Variants in GPR26 observed in about 807,000 individuals in gnomAD.
GPR26 encodes G protein-coupled receptor 26.
In GPR26, 15 loss-of-function variants were observed where a neutral mutation model predicts 23.1. The observed-to-expected ratio is 0.65, with a 90% CI of 0.43 to 1.00. The LOEUF is 1.00. Among genes scored for constraint, GPR26 ranks in the 50% least tolerant of loss-of-function variants. The pLI is 0.00. For synonymous variants in GPR26, 228 were observed against 222.1 expected (o/e 1.03, Z -0.24); for missense variants, 359 against 470.5 (o/e 0.76, Z 2.19).
chr10:123,670,784 G>A (rs1362319840), intron 1 of GPR26, among the ~76,000 whole-genome samples: 1 of 152,220 alleles, frequency 6.6e-6, no homozygotes, highest in Non-Finnish European at 1.5e-5. Flanking sequence ...CAGGAGGGTG[G>A]GACCAGGGGA....
intron 1 of GPR26, among the ~76,000 whole-genome samples, chr10:123,670,539 C>T (rs766796295): frequency 1.8e-4 from 27 of 152,268 alleles, no homozygotes; most frequent in Admixed American, 2.6e-4. Context: ...TTATAATGAC[C>T]GGCAAGGCTG....
In GPR26 at chr10:123,697,182, T is replaced by C. The variant is rs868046638; in HGVS notation, c.*9022T>C. ...AGAAGCCCTCCCAATACGGCAATAT[T>C]ACCTTCTGTGTAATCCACTTGCCAA... is the stretch of plus-strand genomic sequence containing the variant. On this transcript the variant is annotated 3_prime_UTR_variant, in exon 3 of 3. Coordinates refer to ENST00000284674, the MANE Select transcript of GPR26 (RefSeq NM_153442.4). 3.9e-5 allele frequency among the ~76,000 whole-genome samples: 6 copies of C among 152,304 alleles called. No individual in the cohort carries two copies. Among genetic ancestry groups the C allele is most frequent in the Middle Eastern group, 3.4e-3 (1 of 294 alleles).
chr10:123,669,279 C>T (rs896139665), intron 1 of GPR26, among the ~76,000 whole-genome samples: 3 of 152,240 alleles, frequency 2.0e-5, no homozygotes, highest in African/African-American at 7.2e-5. Context: ...ACAAACTTGT[C>T]CTTCTCTGAG....
intron 2 of GPR26, among the ~76,000 whole-genome samples, chr10:123,676,660 C>T (rs1481653500): frequency 2.0e-5 from 3 of 152,230 alleles, no homozygotes; most frequent in African/African-American, 7.2e-5. Flanking sequence ...TTCCACAAGA[C>T]ACAAAGCCCA....
intron 2 of GPR26, among the ~76,000 whole-genome samples, chr10:123,680,992 A>G (rs1296769081): frequency 1.3e-5 from 2 of 152,102 alleles, no homozygotes; most frequent in East Asian, 1.9e-4. Flanking sequence ...GGTGCGCACC[A>G]TCAGGCTGGG....
chr10:123,673,119 A>T (rs1845268700), intron 1 of GPR26, among the ~76,000 whole-genome samples: 1 of 152,198 alleles, frequency 6.6e-6, no homozygotes, highest in Non-Finnish European at 1.5e-5. Context: ...TTCAGCCAGG[A>T]CGAAATCTGT....
Position 123,689,800 on chromosome 10 carries a change from T to A in GPR26, c.*1640T>A, listed in dbSNP as rs1845471999. 1 of 152,204 alleles carries A rather than the reference T, an allele frequency of 6.6e-6. No homozygotes were observed. Among genetic ancestry groups the A allele is most frequent in the African/African-American group, 2.4e-5 (1 of 41,448 alleles). 9.4% of individuals were successfully genotyped at this position (152,204 alleles called of 1,614,324 possible). A position where few individuals can be genotyped will look rare whatever the true frequency, so the allele number is the denominator to read the frequency against. ...TTAGAAAACAATTCACCTGGCTTAG[T>A]CTTGTCTAGTTTCAAAGTTACCATG... On this transcript the variant is annotated 3_prime_UTR_variant, in exon 3 of 3. Coordinates refer to ENST00000284674, the MANE Select transcript of GPR26 (RefSeq NM_153442.4).
At position 123,688,016 on chromosome 10, in the gene GPR26, C is replaced by T; in HGVS notation, c.870C>T (p.Asp290=). 5 of 1,614,034 alleles carry T rather than the reference C, an allele frequency of 3.1e-6. No individual in the cohort carries two copies. The highest frequency in any genetic ancestry group is 4.2e-6 in the Non-Finnish European group (5 of 1,179,928). ...TGGCGTACAGCAAGGCCGCATCCGA[C>T]CCCTTTGTGTACTCCTTACTGCGAC... is the stretch of plus-strand genomic sequence containing the variant. ...KCLAYSKAAS[D]PFVYSLLRHQ... is the part of the protein sequence containing the mutation. The change falls in exon 3 of 3, where the codon GAC becomes GAT. Residue 290 remains aspartate (D), a synonymous_variant. Coordinates refer to ENST00000284674, the MANE Select transcript of GPR26 (RefSeq NM_153442.4).
Position 123,674,917 on chromosome 10 carries a change from C to T in GPR26, c.768C>T (p.Pro256=). 1 of 1,608,078 alleles carries T rather than the reference C, an allele frequency of 6.2e-7. No homozygotes were observed. Among genetic ancestry groups the T allele is most frequent in the Non-Finnish European group, 8.5e-7 (1 of 1,175,266 alleles). The part of the protein sequence containing the change: ...FIGTFLVCFA[P]YVITRLVELF... ...GGACCTTCCTTGTGTGCTTCGCGCC[C>T]TATGTGATCACCAGGTGAGCCTGAT... Residue 256 remains proline (P), a synonymous_variant, in exon 2 of 3, where the codon CCC becomes CCT. Coordinates refer to ENST00000284674, the MANE Select transcript of GPR26 (RefSeq NM_153442.4). This position sits in a 1 kb window ranked among gnomAD's most constrained non-coding sequence, Gnocchi z 4.1.
chr10:123,681,787 T>C (rs1284823006), intron 2 of GPR26, among the ~76,000 whole-genome samples: 1 of 152,234 alleles, frequency 6.6e-6, no homozygotes, highest in African/African-American at 2.4e-5. Flanking sequence ...GTTCTCAAGC[T>C]TTCTATTGGA....
At position 123,666,704 on chromosome 10, in the gene GPR26, G is replaced by A. The variant is rs779341071; in HGVS notation, c.297G>A (p.Ala99=). Residue 99 remains alanine, a synonymous_variant, in exon 1 of 3, where the codon GCG becomes GCA. Transcript: ENST00000284674. ...CCAACTCCATGCTCAGCATGGCCGCGCTCAGCATCGACCGCTGGGTGGCCG... is the reference window on the plus strand; with the variant it reads ...CCAACTCCATGCTCAGCATGGCCGCACTCAGCATCGACCGCTGGGTGGCCG... ...LAANSMLSMA[A]LSIDRWVAVV... is the part of the protein sequence containing the mutation. The A allele has an allele frequency of 1.3e-6, 2 of 1,599,194 alleles. No individual in the cohort carries two copies. Among genetic ancestry groups the A allele is most frequent in the South Asian group, 2.2e-5 (2 of 90,388 alleles).
At chr10:123,681,444 CAG>C (rs1265881452) in intron 2 of GPR26, among the ~76,000 whole-genome samples, 1 of 152,210 alleles carries the variant, frequency 6.6e-6, no homozygotes, top group African/African-American at 2.4e-5. Context: ...GCTGTCAGCG[CAG>C]AAACTAATAT....
In GPR26 at chr10:123,674,605, T is replaced by C. The variant is rs1845286141; in HGVS notation, c.669-213T>C. ...GTAATACACTAAAATATATGATGCATATTATTATTTTACACAGGAGGACCT... is the reference window on the plus strand; with the variant it reads ...GTAATACACTAAAATATATGATGCACATTATTATTTTACACAGGAGGACCT... On this transcript the variant is annotated intron_variant, in intron 1 of 2. Transcript: ENST00000284674. The surrounding 1 kb of genome is among the most constrained non-coding windows in gnomAD (Gnocchi z 4.1). Among the ~76,000 whole-genome samples, 1 of 152,198 alleles carries C rather than the reference T, an allele frequency of 6.6e-6. No individual in the cohort carries two copies. Among genetic ancestry groups the C allele is most frequent in the Non-Finnish European group, 1.5e-5 (1 of 68,042 alleles).
intron 2 of GPR26, among the ~76,000 whole-genome samples, chr10:123,676,775 C>G (rs1009450473): frequency 3.3e-5 from 5 of 152,144 alleles, no homozygotes; most frequent in African/African-American, 1.2e-4. Flanking sequence ...AACCTCAGCT[C>G]CCCCACATCC....
Position 123,672,226 on chromosome 10 carries a change from C to T in GPR26, c.669-2592C>T, listed in dbSNP as rs938329772. On this transcript the variant is annotated intron_variant, in intron 1 of 2. Coordinates refer to ENST00000284674, the MANE Select transcript of GPR26 (RefSeq NM_153442.4). Reference sequence around the variant, plus strand: ...GGATGCTAGCCCCACCTGCACTGTACTCCCTGAGTGGAAAAATCACTCTCT... The same window carrying T: ...GGATGCTAGCCCCACCTGCACTGTATTCCCTGAGTGGAAAAATCACTCTCT... Among the ~76,000 whole-genome samples, 4 of 152,302 alleles carry T rather than the reference C, an allele frequency of 2.6e-5. No individual in the cohort carries two copies. The South Asian group carries it at 8.3e-4, about 32-fold the overall frequency.
chr10:123,687,077 C>T (rs1447973896), intron 2 of GPR26, among the ~76,000 whole-genome samples: 2 of 152,012 alleles, frequency 1.3e-5, no homozygotes, highest in South Asian at 2.1e-4. Context: ...GTATTAGCAC[C>T]CTTGCCTGGA....
In GPR26 at chr10:123,695,210, G is replaced by A. The variant is rs989134784; in HGVS notation, c.*7050G>A. ...TCTTAGCAGTGTTCCAGTTCATCAC[G>A]TATACCCATATTTAAGGACTTTTAA... is the stretch of plus-strand genomic sequence containing the variant. On this transcript the variant is annotated 3_prime_UTR_variant, in exon 3 of 3. Transcript: ENST00000284674. Among the ~76,000 whole-genome samples, 1 of 152,154 alleles carries A rather than the reference G, an allele frequency of 6.6e-6. No homozygotes were observed. The highest frequency in any genetic ancestry group is 2.4e-5 in the African/African-American group (1 of 41,416).
chr10:123,670,157 A>G (rs1440308789), intron 1 of GPR26, among the ~76,000 whole-genome samples: 2 of 152,202 alleles, frequency 1.3e-5, no homozygotes, highest in Admixed American at 6.5e-5. Context: ...AGGCTGCCCC[A>G]GGCTCTGCTG....
intron 2 of GPR26, among the ~76,000 whole-genome samples, chr10:123,684,821 C>T (rs571455771): frequency 3.3e-5 from 5 of 152,292 alleles, no homozygotes; most frequent in South Asian, 2.1e-4. Flanking sequence ...GATCACATTC[C>T]GACACTAGGG....
Sources: gnomAD v4.1 joint callset for allele counts (sites outside exome capture counted in the v4.1 genomes callset) on GRCh38, gnomAD v4.1.1 for gene constraint, Gnocchi (gnomAD v3.1) non-coding constraint, MANE v1.5 for transcripts, NCBI Gene and HGNC (gene_info 2026-07-23, HGNC 2026-07-21) for gene names.